USP48: variants seen among roughly 807,000 people sequenced by gnomAD.
The protein encoded by USP48 is ubiquitin carboxyl-terminal hydrolase 48.
USP48 carries 43 observed loss-of-function variants against 150.7 expected under a neutral mutation model. That is an observed-to-expected ratio of 0.29 (90% CI 0.22 to 0.37). The LOEUF is 0.37. USP48 is among the 10% of genes least tolerant of loss of function. The pLI is 1.00. For missense variants in USP48, 813 were observed against 1,249.6 expected (o/e 0.65, Z 5.27); for synonymous variants, 396 against 425.9 (o/e 0.93, Z 0.86).
In USP48 at chr1:21,694,604, AAAAC is replaced by A. The variant is rs2097619321; in HGVS notation, c.2883+458_2883+461del. Among the ~76,000 whole-genome samples the A allele has an allele frequency of 5.1e-4, 38 of 74,686 alleles. 1 individual carries two copies. The highest frequency in any genetic ancestry group is 1.1e-3 in the African/African-American group (29 of 25,946). The allele number at this position is 74,686 out of a possible 152,430, so 49.0% of individuals were successfully genotyped here. ...AAAAAAAAAAAAAAAAAAAAAAAAA[AAAAC>A]CCCCTCTATCTATCAAATAGATTTA... On this transcript the variant is annotated intron_variant, in intron 23 of 26. Coordinates refer to ENST00000308271, the MANE Select transcript of USP48 (RefSeq NM_032236.8).
chr1:21,679,829 G>T (rs1035158958), intron 26 of USP48, among the ~76,000 whole-genome samples: 1 of 152,200 alleles, frequency 6.6e-6, no homozygotes, highest in African/African-American at 2.4e-5. Flanking sequence ...AAGTAGCTGA[G>T]ATTACAGGCG....
At position 21,683,090 on chromosome 1, in the gene USP48, G is replaced by A. The variant is rs576400120; in HGVS notation, c.3059-2256C>T. 2.6e-4 allele frequency among the ~76,000 whole-genome samples: 39 copies of A among 152,042 alleles called. No individual in the cohort carries two copies. The South Asian group carries it at 7.1e-3, about 28-fold the overall frequency. ...AGCCTGGCGAATATAGTGAAACCCC[G>A]TCTCTACCAAAAATACAAAAGTTAG... On this transcript the variant is annotated intron_variant, in intron 25 of 26. Coordinates refer to ENST00000308271, the MANE Select transcript of USP48 (RefSeq NM_032236.8).
In USP48 at chr1:21,679,204, T is replaced by C. The variant is rs1348663592; in HGVS notation, c.*213A>G. ...CCCACCACCCCCCTTAAATATAAAA[T>C]TGGAAACATTTCCTTCAAGTCTGAT... On this transcript the variant is annotated 3_prime_UTR_variant, in exon 27 of 27. Coordinates refer to ENST00000308271, the MANE Select transcript of USP48 (RefSeq NM_032236.8). 1.4e-5 allele frequency: 4 copies of C among 293,850 alleles called. No homozygotes were observed. The highest frequency in any genetic ancestry group is 8.2e-5 in the South Asian group (3 of 36,438). The allele number at this position is 293,850 out of a possible 1,614,324, so 18.2% of individuals were successfully genotyped here. A position where few individuals can be genotyped will look rare whatever the true frequency, so the allele number is the denominator to read the frequency against.
intron 3 of USP48, among the ~76,000 whole-genome samples, chr1:21,755,111 A>G (rs1335276454): frequency 6.6e-6 from 1 of 152,134 alleles, no homozygotes; most frequent in African/African-American, 2.4e-5. Context: ...TTAATTCTCA[A>G]CTTTCCCTTT....
intron 1 of USP48, among the ~76,000 whole-genome samples, chr1:21,771,058 G>A (rs1233967807): frequency 6.6e-6 from 1 of 152,034 alleles, no homozygotes; most frequent in Non-Finnish European, 1.5e-5. Flanking sequence ...CCCAAGAGGT[G>A]GAGGATGCAG....
chr1:21,762,674 T>C (rs1422420673), intron 1 of USP48, among the ~76,000 whole-genome samples: 1 of 152,020 alleles, frequency 6.6e-6, no homozygotes, highest in African/African-American at 2.4e-5. Flanking sequence ...GAGACCAGCC[T>C]GACCAACATG....
In USP48 at chr1:21,729,772, C is replaced by T. The variant is rs1217134179; in HGVS notation, c.1232G>A (p.Arg411Gln). The T allele has an allele frequency of 2.5e-6, 4 of 1,613,932 alleles. No homozygotes were observed. Among genetic ancestry groups the T allele is most frequent in the Admixed American group, 1.7e-5 (1 of 59,992 alleles). The change falls in exon 10 of 27, where the codon CGA becomes CAA. Residue 411 changes from arginine (R) to glutamine (Q), a missense_variant. Coordinates refer to ENST00000308271, the MANE Select transcript of USP48 (RefSeq NM_032236.8). ...PKCGKGTHCSRNAYMLVYRLQ... is the reference protein window; with the variant it reads ...PKCGKGTHCSQNAYMLVYRLQ... Reference sequence around the variant, plus strand: ...TCTATAAACCAACATATATGCATTTCGAGAGCAATGAGTTCCTTTGCCACA... The same window carrying T: ...TCTATAAACCAACATATATGCATTTTGAGAGCAATGAGTTCCTTTGCCACA...
In USP48 at chr1:21,701,555, T is replaced by C. The variant is rs2152514898; in HGVS notation, c.2670A>G (p.Thr890=). ...APELNVSSSE[T]EEDKEEAKPD... is the part of the protein sequence containing the mutation. ...GTTTAGCTTCTTCCTTGTCCTCCTC[T>C]GTTTCAGAACTACTCACATTCAGTT... is the stretch of plus-strand genomic sequence containing the variant. The change falls in exon 22 of 27, where the codon ACA becomes ACG. Residue 890 remains threonine, a synonymous_variant. Transcript: ENST00000308271. 1.2e-6 allele frequency: 2 copies of C among 1,614,030 alleles called. No homozygotes were observed. The highest frequency in any genetic ancestry group is 1.7e-6 in the Non-Finnish European group (2 of 1,179,926).
chr1:21,678,617 T>A lies in USP48; in HGVS notation c.*800A>T, dbSNP rs1202680880. ...TCTGATAGGTAGTCAGATTTTTTAT[T>A]TTCAAACGTGCCAGGTACATTTCCC... is the stretch of plus-strand genomic sequence containing the variant. On this transcript the variant is annotated 3_prime_UTR_variant, in exon 27 of 27. Transcript: ENST00000308271. The A allele has an allele frequency of 2.0e-5, 3 of 152,202 alleles. No homozygotes were observed. Among genetic ancestry groups the A allele is most frequent in the Non-Finnish European group, 4.4e-5 (3 of 68,038 alleles). 9.4% of individuals were successfully genotyped at this position (152,202 alleles called of 1,614,324 possible). A position where few individuals can be genotyped will look rare whatever the true frequency, so the allele number is the denominator to read the frequency against.
chr1:21,703,190 T>C (rs988558864), intron 21 of USP48, among the ~76,000 whole-genome samples: 1 of 152,238 alleles, frequency 6.6e-6, no homozygotes, highest in African/African-American at 2.4e-5. Flanking sequence ...TTATTCCTGA[T>C]CTTCCTCACT....
At chr1:21,780,514 T>C (rs571915436) in intron 1 of USP48, among the ~76,000 whole-genome samples, 4 of 152,100 alleles carry the variant, frequency 2.6e-5, no homozygotes, top group Admixed American at 1.3e-4. Context: ...ACCCACCGAA[T>C]TGTGCACTTT....
intron 7 of USP48, 84 bp from the exon 8 acceptor site, chr1:21,747,233 T>G: frequency 3.5e-6 from 3 of 853,924 alleles, no homozygotes. Flanking sequence ...TTTAATAAAC[T>G]CAACAGTAGC....
At chr1:21,779,647 C>T (rs2097909654) in intron 1 of USP48, among the ~76,000 whole-genome samples, 1 of 152,052 alleles carries the variant, frequency 6.6e-6, no homozygotes, top group Non-Finnish European at 1.5e-5. Flanking sequence ...TAAATGCCCA[C>T]ACAAAAACTA....
At chr1:21,781,570 C>A (rs1040018636) in intron 1 of USP48, among the ~76,000 whole-genome samples, 2 of 152,094 alleles carry the variant, frequency 1.3e-5, no homozygotes, top group African/African-American at 2.4e-5. Flanking sequence ...CCCGTCTCCA[C>A]TAAAAATACA....
chr1:21,781,463 T>C (rs944876014), intron 1 of USP48, among the ~76,000 whole-genome samples: 5 of 150,146 alleles, frequency 3.3e-5, no homozygotes, highest in African/African-American at 1.2e-4. Flanking sequence ...ATATCAGAAA[T>C]TGGCCCAGCA....
intron 1 of USP48, among the ~76,000 whole-genome samples, chr1:21,770,367 C>T (rs570656138): frequency 1.3e-5 from 2 of 151,108 alleles, no homozygotes; most frequent in East Asian, 1.9e-4. Context: ...GCAGAAGTAA[C>T]TGGTAGTAGA....
At chr1:21,711,707 T>C (rs1255576264) in intron 15 of USP48, among the ~76,000 whole-genome samples, 7 of 152,114 alleles carry the variant, frequency 4.6e-5, no homozygotes, top group Non-Finnish European at 1.0e-4. Context: ...CTAGTGAAGC[T>C]CAGTCACCAA....
intron 13 of USP48, 130 bp downstream of exon 13, chr1:21,721,520 C>T (rs777671063): frequency 2.9e-6 from 2 of 696,402 alleles, no homozygotes; most frequent in Non-Finnish European, 4.5e-6. Context: ...TGATCTGGCT[C>T]TACCATCCAC....
intron 11 of USP48, chr1:21,726,708 AG>A (rs2097738123): frequency 6.6e-6 from 1 of 152,254 alleles, no homozygotes; most frequent in Non-Finnish European, 1.5e-5. Flanking sequence ...TTTACACTAC[AG>A]ATGTTTCTGC....
Sources: allele counts gnomAD v4.1 joint callset (sites outside exome capture counted in the v4.1 genomes callset), GRCh38; gene constraint gnomAD v4.1.1; transcripts MANE v1.5; gene names NCBI Gene and HGNC (gene_info 2026-07-23, HGNC 2026-07-21).